SPAG16: variants seen among roughly 807,000 people sequenced by gnomAD.
SPAG16 encodes sperm-associated antigen 16 protein.
SPAG16 carries 86 observed loss-of-function variants against 80.4 expected under a neutral mutation model. That is an observed-to-expected ratio of 1.07 (90% CI 0.90 to 1.28). The LOEUF (loss-of-function observed/expected upper bound fraction) is 1.28. Among genes scored for constraint, SPAG16 ranks in the 50% most tolerant of loss-of-function variants. The pLI is 0.00. For synonymous variants in SPAG16, 294 were observed against 265.9 expected (o/e 1.11, Z -1.03); for missense variants, 870 against 765.3 (o/e 1.14, Z -1.61).
intron 12 of SPAG16, among the ~76,000 whole-genome samples, chr2:213,996,298 G>A (rs182128348): frequency 1.3e-5 from 2 of 152,160 alleles, no homozygotes; most frequent in African/African-American, 4.8e-5. Flanking sequence ...TAATGGCTAA[G>A]TTCTGACAAA....
intron 15 of SPAG16, among the ~76,000 whole-genome samples, chr2:214,228,366 TATC>T (rs1182261451): frequency 6.6e-6 from 1 of 151,932 alleles, no homozygotes; most frequent in African/African-American, 2.4e-5. Context: ...TCAAGTAATT[TATC>T]ATGTTAACAT....
chr2:214,326,664 G>A (rs1046104025), intron 15 of SPAG16, among the ~76,000 whole-genome samples: 3 of 152,028 alleles, frequency 2.0e-5, no homozygotes, highest in Non-Finnish European at 2.9e-5. Flanking sequence ...CAGTACTTCC[G>A]GCCGGGCGCG....
At chr2:214,154,249 A>G (rs531640279) in intron 15 of SPAG16, among the ~76,000 whole-genome samples, 2 of 152,306 alleles carry the variant, frequency 1.3e-5, no homozygotes, top group Admixed American at 1.3e-4. Context: ...TATGTAGTTT[A>G]GCAATATTTT....
intron 15 of SPAG16, among the ~76,000 whole-genome samples, chr2:214,401,821 A>G (rs912782724): frequency 6.6e-6 from 1 of 152,002 alleles, no homozygotes; most frequent in Non-Finnish European, 1.5e-5. Flanking sequence ...AACATGTTCA[A>G]ACCTATAAGT....
At chr2:213,663,618 C>T (rs1052191563) in intron 10 of SPAG16, among the ~76,000 whole-genome samples, 1 of 152,012 alleles carries the variant, frequency 6.6e-6, no homozygotes, top group Non-Finnish European at 1.5e-5. Flanking sequence ...GCAATAGTTA[C>T]ATTCTGACAG....
chr2:214,254,776 T>A (rs377714083), intron 15 of SPAG16, among the ~76,000 whole-genome samples: 16 of 94,362 alleles, frequency 1.7e-4, no homozygotes, highest in African/African-American at 5.1e-4. Context: ...GAGTAAAAGA[T>A]ATATTTAGTT....
chr2:213,292,492 G>A (rs1022935386), intron 1 of SPAG16, among the ~76,000 whole-genome samples: 19 of 151,022 alleles, frequency 1.3e-4, no homozygotes, highest in African/African-American at 2.0e-4. Context: ...GTGAAACCCC[G>A]TCTCTACTAA....
At chr2:213,954,283 A>C (rs1043635192) in intron 12 of SPAG16, among the ~76,000 whole-genome samples, 1 of 152,028 alleles carries the variant, frequency 6.6e-6, no homozygotes, top group Non-Finnish European at 1.5e-5. Context: ...GAATCATATA[A>C]TATGCAACCT....
intron 15 of SPAG16, among the ~76,000 whole-genome samples, chr2:214,262,369 T>C (rs771763156): frequency 1.6e-4 from 25 of 152,068 alleles, no homozygotes; most frequent in Admixed American, 3.3e-4. Context: ...TATACTATAA[T>C]TGATTTCAGC....
At chr2:214,149,360 T>C in intron 15 of SPAG16, 94 bp downstream of exon 15, 1 of 1,203,122 alleles carries the variant, frequency 8.3e-7, no homozygotes. Flanking sequence ...TATGTATTTC[T>C]ACGTAAATGT....
At chr2:213,406,936 TA>T (rs60707204) in intron 9 of SPAG16, among the ~76,000 whole-genome samples, 37,113 of 122,292 alleles carry the variant, frequency 0.3, 5,376 homozygotes, top group Middle Eastern at 0.47. Flanking sequence ...GACGCGGATT[TA>T]AAAAAAAAAA....
chr2:214,381,603 A>G (rs954066516), intron 15 of SPAG16, among the ~76,000 whole-genome samples: 3 of 152,214 alleles, frequency 2.0e-5, no homozygotes, highest in Non-Finnish European at 4.4e-5. Flanking sequence ...TTCTTCACAA[A>G]TTCTGATGCT....
chr2:214,196,743 A>C (rs898991060), intron 15 of SPAG16, among the ~76,000 whole-genome samples: 7 of 152,072 alleles, frequency 4.6e-5, no homozygotes, highest in Non-Finnish European at 1.5e-5. Context: ...AATTGGATTT[A>C]ACATTTAAGT....
At chr2:213,479,458 T>C (rs1321733245) in intron 9 of SPAG16, among the ~76,000 whole-genome samples, 1 of 151,994 alleles carries the variant, frequency 6.6e-6, no homozygotes, top group Non-Finnish European at 1.5e-5. Flanking sequence ...TGAGATCTTT[T>C]TGTTTGTGTG....
chr2:214,165,468 CCTTTTTTTTTTT>C (rs2056610455), intron 15 of SPAG16, among the ~76,000 whole-genome samples: 1 of 77,960 alleles, frequency 1.3e-5, no homozygotes, highest in Non-Finnish European at 2.1e-5. Flanking sequence ...GCATCACCAT[CCTTTTTTTTTTT>C]TTTTTTTTTT....
intron 15 of SPAG16, among the ~76,000 whole-genome samples, chr2:214,203,769 A>G (rs1335372177): frequency 2.0e-5 from 3 of 152,164 alleles, no homozygotes; most frequent in Non-Finnish European, 4.4e-5. Context: ...GAAGAAGGAA[A>G]TTTCCAGCTG....
intron 15 of SPAG16, among the ~76,000 whole-genome samples, chr2:214,180,854 A>T (rs2057288903): frequency 6.6e-6 from 1 of 151,692 alleles, no homozygotes; most frequent in African/African-American, 2.4e-5. Context: ...ATTGGGCTAG[A>T]TGCAACGTGA....
chr2:213,529,283 G>T (rs1345939585), intron 10 of SPAG16, among the ~76,000 whole-genome samples: 1 of 152,060 alleles, frequency 6.6e-6, no homozygotes, highest in Non-Finnish European at 1.5e-5. Flanking sequence ...ATAAATTGTG[G>T]TCTGCTGGTC....
chr2:213,631,641 A>G (rs867531820), intron 10 of SPAG16, among the ~76,000 whole-genome samples: 3 of 152,140 alleles, frequency 2.0e-5, no homozygotes, highest in South Asian at 4.1e-4. Flanking sequence ...TATTTAATCC[A>G]TTTTGATTTG....
Sources: gnomAD v4.1 joint callset for allele counts (sites outside exome capture counted in the v4.1 genomes callset) on GRCh38, gnomAD v4.1.1 for gene constraint, MANE v1.5 for transcripts, NCBI Gene and HGNC (gene_info 2026-07-23, HGNC 2026-07-21) for gene names.